Variants in HERC1 observed in about 807,000 individuals in gnomAD.
HERC1 encodes the protein probable E3 ubiquitin-protein ligase HERC1.
A neutral mutation model predicts 554.3 loss-of-function variants in HERC1; 160 were observed. That is an observed-to-expected ratio of 0.29 (90% CI 0.25 to 0.33). HERC1 has a LOEUF of 0.33. Among genes scored for constraint, HERC1 ranks in the 10% least tolerant of loss-of-function variants. The pLI, the probability that HERC1 is intolerant of heterozygous loss-of-function variation, is 1.00. For missense variants in HERC1, 4,919 were observed against 5,918.5 expected, an observed-to-expected ratio of 0.83 and a Z score of 5.54; for synonymous variants, 2,175 against 2,131.7, an observed-to-expected ratio of 1.02 and a Z score of -0.56.
chr15:63,681,294 T>C (rs1311465445), intron 34 of HERC1, among the ~76,000 whole-genome samples: 1 of 152,126 alleles, frequency 6.6e-6, no homozygotes, highest in Non-Finnish European at 1.5e-5. Flanking sequence ...GTCAAATTCC[T>C]GGGCTCAAGC....
chr15:63,766,287 A>G (rs1479540419), intron 2 of HERC1, among the ~76,000 whole-genome samples: 1 of 151,592 alleles, frequency 6.6e-6, no homozygotes, highest in Non-Finnish European at 1.5e-5. Context: ...ATTAAAATTA[A>G]TATCATTAAA....
At chr15:63,804,282 T>C (rs1036745529) in intron 1 of HERC1, among the ~76,000 whole-genome samples, 1 of 152,180 alleles carries the variant, frequency 6.6e-6, no homozygotes. Flanking sequence ...TTAAAAACTT[T>C]TGTCCTTCAA....
rs139887212 is a variant in HERC1 at position 63,719,655 on chromosome 15, A to T, written c.3743-758T>A. 4.6e-5 allele frequency among the ~76,000 whole-genome samples: 7 copies of T among 152,396 alleles called. No individual in the cohort carries two copies. The East Asian group carries it at 5.8e-4, about 13-fold the overall frequency. On this transcript the variant is annotated intron_variant, in intron 19 of 77. Coordinates refer to ENST00000443617, the MANE Select transcript of HERC1 (RefSeq NM_003922.4). Reference sequence around the variant, plus strand: ...TTCAAGTGAGAAATGATGATGACTCAGAAAAAGGTAAGAGCAGCGAAGGTA... The same window carrying T: ...TTCAAGTGAGAAATGATGATGACTCTGAAAAAGGTAAGAGCAGCGAAGGTA...
At position 63,727,026 on chromosome 15, in the gene HERC1, C is replaced by T. The variant is rs1401180033; in HGVS notation, c.3346+621G>A. Reference sequence around the variant, plus strand: ...GGGGCGGTGGCTCCCGTCTGTAATCCCAGCATTTTGGGAGGCTGAGGTGGG... The same window carrying T: ...GGGGCGGTGGCTCCCGTCTGTAATCTCAGCATTTTGGGAGGCTGAGGTGGG... On this transcript the variant is annotated intron_variant, in intron 17 of 77. Transcript: ENST00000443617. The surrounding 1 kb of genome is among the most constrained non-coding windows in gnomAD (Gnocchi z 4.3). Among the ~76,000 whole-genome samples, 4 of 151,814 alleles carry T rather than the reference C, an allele frequency of 2.6e-5. No homozygotes were observed. The highest frequency in any genetic ancestry group is 9.7e-5 in the African/African-American group (4 of 41,212).
At chr15:63,666,538 C>T (rs1489852757) in intron 40 of HERC1, 66 bp from the exon 41 acceptor site, 2 of 1,015,330 alleles carry the variant, frequency 2.0e-6, no homozygotes, top group Non-Finnish European at 3.0e-6. Context: ...AAAGTGTCTT[C>T]ATAGTCCTCA....
chr15:63,811,017 T>C (rs1353350242), intron 1 of HERC1, among the ~76,000 whole-genome samples: 2 of 152,050 alleles, frequency 1.3e-5, no homozygotes, highest in East Asian at 1.9e-4. Flanking sequence ...ATAAAGTTAA[T>C]GTCATTTGGG....
intron 12 of HERC1, among the ~76,000 whole-genome samples, chr15:63,737,516 GATATATATATAT>G (rs754808106): frequency 4.3e-5 from 2 of 46,418 alleles, no homozygotes; most frequent in Non-Finnish European, 7.7e-5. Flanking sequence ...CTTTTTTCCA[GATATATATATAT>G]ATATATATAT....
chr15:63,735,282 T>A (rs1314764837), intron 12 of HERC1, among the ~76,000 whole-genome samples: 1 of 150,718 alleles, frequency 6.6e-6, no homozygotes, highest in Non-Finnish European at 1.5e-5. Context: ...ACAGGGCAAT[T>A]AACATGGCCT....
chr15:63,815,356 T>C (rs1479670711), intron 1 of HERC1, among the ~76,000 whole-genome samples: 1 of 152,244 alleles, frequency 6.6e-6, no homozygotes, highest in Non-Finnish European at 1.5e-5. Context: ...GGCTTTGCTA[T>C]GTCACTAACT....
chr15:63,664,677 C>A (rs2070525841), intron 42 of HERC1, 83 bp from the exon 43 acceptor site: 2 of 1,123,618 alleles, frequency 1.8e-6, no homozygotes, highest in Admixed American at 2.7e-5. Context: ...ACTTGTAGTA[C>A]TACTTTATTC....
At position 63,718,415 on chromosome 15, in the gene HERC1, A is replaced by T; in HGVS notation, c.3978+159T>A. 1.5e-6 allele frequency: 1 copy of T among 672,538 alleles called. No homozygotes were observed. Among genetic ancestry groups the T allele is most frequent in the Non-Finnish European group, 2.3e-6 (1 of 435,622 alleles). The allele number at this position is 672,538 out of a possible 1,614,324, so 41.7% of individuals were successfully genotyped here. On this transcript the variant is annotated intron_variant, in intron 21 of 77. Coordinates refer to ENST00000443617, the MANE Select transcript of HERC1 (RefSeq NM_003922.4). The surrounding 1 kb of genome is among the most constrained non-coding windows in gnomAD (Gnocchi z 4.2). Reference sequence around the variant, plus strand: ...TAAATGTGAGGTTAAGTAAATCTCAAATCTTTTCCTTTTTTTTTTTCTGCT... The same window carrying T: ...TAAATGTGAGGTTAAGTAAATCTCATATCTTTTCCTTTTTTTTTTTCTGCT...
intron 55 of HERC1, 126 bp from the exon 56 acceptor site, chr15:63,645,808 A>AT: frequency 1.6e-6 from 1 of 626,128 alleles, no homozygotes. Context: ...TTTGAAATCA[A>AT]TATTTTATGC....
intron 1 of HERC1, among the ~76,000 whole-genome samples, chr15:63,814,387 T>A (rs1021234401): frequency 6.6e-6 from 1 of 151,968 alleles, no homozygotes; most frequent in Non-Finnish European, 1.5e-5. Flanking sequence ...CTTTAATACA[T>A]GTTATTTGCC....
intron 12 of HERC1, among the ~76,000 whole-genome samples, chr15:63,744,583 C>T (rs1239577702): frequency 6.6e-6 from 1 of 152,166 alleles, no homozygotes; most frequent in East Asian, 1.9e-4. Context: ...TTCACTTGTG[C>T]CTCCCCTTTC....
At position 63,758,265 on chromosome 15, in the gene HERC1, C is replaced by G; in HGVS notation, c.1131G>C (p.Trp377Cys). Residue 377 changes from tryptophan to cysteine, a missense_variant, in exon 4 of 78, where the codon TGG becomes TGC. Coordinates refer to ENST00000443617, the MANE Select transcript of HERC1 (RefSeq NM_003922.4). This position sits in a 1 kb window ranked among gnomAD's most constrained non-coding sequence, Gnocchi z 4.0. ...IVSETCEVYVWGSNSSHQLVE... is the reference protein window; with the variant it reads ...IVSETCEVYVCGSNSSHQLVE... ...CCAACTGATGGCTGCTATTGCTCCC[C>G]CAAACATAAACCTCACAGGTTTCGG... is the stretch of plus-strand genomic sequence containing the variant. 2 of 1,613,830 alleles carry G rather than the reference C, an allele frequency of 1.2e-6. No individual in the cohort carries two copies. The highest frequency in any genetic ancestry group is 1.7e-6 in the Non-Finnish European group (2 of 1,179,806).
intron 53 of HERC1, among the ~76,000 whole-genome samples, chr15:63,650,514 C>G (rs1353789016): frequency 6.6e-6 from 1 of 151,804 alleles, no homozygotes; most frequent in Non-Finnish European, 1.5e-5. Flanking sequence ...AACTCCCAGG[C>G]CCAAGCAATC....
At chr15:63,646,784 G>T (rs960740727) in intron 55 of HERC1, among the ~76,000 whole-genome samples, 1 of 151,566 alleles carries the variant, frequency 6.6e-6, no homozygotes, top group African/African-American at 2.4e-5. Flanking sequence ...CTCCAGGCTG[G>T]GTGACAGAGC....
Position 63,680,067 on chromosome 15 carries a change from A to G in HERC1, c.6549+10T>C. 1.3e-6 allele frequency: 2 copies of G among 1,559,126 alleles called. No homozygotes were observed. Among genetic ancestry groups the G allele is most frequent in the Non-Finnish European group, 1.8e-6 (2 of 1,133,772 alleles). ...AAATATTCTTAAATAAAGGTTTGAG[A>G]CTTCATTACCTTTTCCCCTGGATTG... On this transcript the variant is annotated intron_variant, in intron 36 of 77. Transcript: ENST00000443617. The surrounding 1 kb of genome is among the most constrained non-coding windows in gnomAD (Gnocchi z 5.8).
chr15:63,636,443 G>A (rs1458915349), intron 64 of HERC1, among the ~76,000 whole-genome samples: 1 of 151,828 alleles, frequency 6.6e-6, no homozygotes, highest in East Asian at 1.9e-4. Context: ...GCTAATTTTT[G>A]TATTTTTAAC....
Sources: gnomAD v4.1 joint callset for allele counts (sites outside exome capture counted in the v4.1 genomes callset) on GRCh38, gnomAD v4.1.1 for gene constraint, Gnocchi (gnomAD v3.1) non-coding constraint, MANE v1.5 for transcripts, NCBI Gene and HGNC (gene_info 2026-07-23, HGNC 2026-07-21) for gene names.